Variants in UBR4 observed in about 807,000 individuals in gnomAD.
UBR4 encodes the protein E3 ubiquitin-protein ligase UBR4.
Under a neutral mutation model 575.6 loss-of-function variants are expected in UBR4, and 124 were observed. That is an observed-to-expected ratio of 0.22 (90% confidence interval 0.19 to 0.25). The LOEUF is 0.25. Among genes scored for constraint, UBR4 ranks in the 10% least tolerant of loss-of-function variants. The pLI is 1.00. For missense variants in UBR4, 4,818 were observed against 6,478.8 expected (o/e 0.74, Z 8.80); for synonymous variants, 2,455 against 2,473.7 (o/e 0.99, Z 0.22).
At chr1:19,084,382 C>G in intron 102 of UBR4, 122 bp downstream of exon 102, 1 of 1,063,142 alleles carries the variant, frequency 9.4e-7, no homozygotes, top group South Asian at 1.7e-5. Context: ...AAAAAGGCTG[C>G]CTTAGGCCAG....
At chr1:19,114,992 G>T in intron 74 of UBR4, 43 bp from the exon 75 acceptor site, 1 of 1,612,850 alleles carries the variant, frequency 6.2e-7, no homozygotes, top group Non-Finnish European at 8.5e-7. Flanking sequence ...GACAAGGCTG[G>T]GTGGGGTGGG....
At chr1:19,095,730 T>G in intron 92 of UBR4, 78 bp from the exon 93 acceptor site, 2 of 1,355,586 alleles carry the variant, frequency 1.5e-6, no homozygotes, top group Non-Finnish European at 2.1e-6. Flanking sequence ...AAGGGATGTC[T>G]AAGCAGGGTC....
In UBR4 at chr1:19,093,171, C is replaced by A. The variant is rs1484794872; in HGVS notation, c.14111+142G>T. On this transcript the variant is annotated intron_variant, in intron 96 of 105. Transcript: ENST00000375254. The surrounding 1 kb of genome is among the most constrained non-coding windows in gnomAD (Gnocchi z 4.8). ...GACTCTGCAGTGGTTGAATGGTCACCCACATAGTTTCCAGAAGCGGTTGGG... is the reference window on the plus strand; with the variant it reads ...GACTCTGCAGTGGTTGAATGGTCACACACATAGTTTCCAGAAGCGGTTGGG... The A allele has an allele frequency of 9.3e-6, 11 of 1,181,274 alleles. No homozygotes were observed. Among genetic ancestry groups the A allele is most frequent in the Non-Finnish European group, 1.3e-5 (11 of 830,358 alleles). 73.2% of individuals were successfully genotyped at this position (1,181,274 alleles called of 1,614,324 possible). A position where few individuals can be genotyped will look rare whatever the true frequency, so the allele number is the denominator to read the frequency against.
In UBR4 at chr1:19,126,493, A is replaced by T; in HGVS notation, c.9391T>A (p.Ser3131Thr). Residue 3131 changes from serine (S) to threonine (T), a missense_variant, in exon 64 of 106, where the codon TCC (serine) becomes ACC (threonine). Coordinates refer to ENST00000375254, the MANE Select transcript of UBR4 (RefSeq NM_020765.3). ...AATGGGCTCATGTCAGGTGGGGAGG[A>T]GGTAGTATGTGGTTTCAGCAACTGG... ...TSQLLKPHTT[S>T]SPPDMSPFFL... The T allele has an allele frequency of 5.0e-6, 8 of 1,614,018 alleles. No individual in the cohort carries two copies. Among genetic ancestry groups the T allele is most frequent in the Non-Finnish European group, 6.8e-6 (8 of 1,179,990 alleles).
At chr1:19,170,016 T>A (rs1167533022) in intron 26 of UBR4, among the ~76,000 whole-genome samples, 6 of 152,198 alleles carry the variant, frequency 3.9e-5, no homozygotes, top group African/African-American at 1.4e-4. Flanking sequence ...AAGCTTGAAA[T>A]TAAGGAAAAT....
intron 97 of UBR4, among the ~76,000 whole-genome samples, chr1:19,090,187 G>A (rs374670790): frequency 2.2e-4 from 34 of 152,004 alleles, no homozygotes; most frequent in African/African-American, 6.8e-4. Context: ...TCTCACGTTC[G>A]GTCACTCTCC....
Position 19,152,563 on chromosome 1 carries a change from C to A in UBR4, c.6833-87G>T. 6.5e-7 allele frequency: 1 copy of A among 1,538,152 alleles called. No individual in the cohort carries two copies. Among genetic ancestry groups the A allele is most frequent in the Non-Finnish European group, 8.9e-7 (1 of 1,124,792 alleles). Reference sequence around the variant, plus strand: ...AAAGACTCCTCCCAGACAGAGCCCACACTCACACTCTAATCTAAGCAAACT... The same window carrying A: ...AAAGACTCCTCCCAGACAGAGCCCAAACTCACACTCTAATCTAAGCAAACT... On this transcript the variant is annotated intron_variant, in intron 46 of 105. Coordinates refer to ENST00000375254, the MANE Select transcript of UBR4 (RefSeq NM_020765.3). This position sits in a 1 kb window ranked among gnomAD's most constrained non-coding sequence, Gnocchi z 4.4.
intron 32 of UBR4, 28 bp downstream of exon 32, chr1:19,164,770 GA>G (rs1324646518): frequency 6.2e-7 from 1 of 1,607,650 alleles, no homozygotes; most frequent in Non-Finnish European, 8.5e-7. Flanking sequence ...GGTTGCTAGG[GA>G]AACACGACAG....
At chr1:19,159,127 C>G (rs2086890276) in intron 39 of UBR4, among the ~76,000 whole-genome samples, 1 of 152,154 alleles carries the variant, frequency 6.6e-6, no homozygotes, top group Non-Finnish European at 1.5e-5. Context: ...GCCTAGGTGA[C>G]AGAGCAAGAC....
intron 105 of UBR4, 46 bp from the exon 106 acceptor site, chr1:19,074,942 C>T: frequency 6.3e-7 from 1 of 1,596,300 alleles, no homozygotes; most frequent in Non-Finnish European, 8.6e-7. Flanking sequence ...AGGCATACAG[C>T]CCCCATTCCC....
rs1465844539 is a variant in UBR4, at chr1:19,110,910, G to A, written c.11802-78C>T. On this transcript the variant is annotated intron_variant, in intron 78 of 105. Transcript: ENST00000375254. The surrounding 1 kb of genome is among the most constrained non-coding windows in gnomAD (Gnocchi z 4.5). Reference sequence around the variant, plus strand: ...TCCTTTCCACCTGAAGGGGCCCAGGGAAAATGAAATCAATGTCTAAGGCTA... The same window carrying A: ...TCCTTTCCACCTGAAGGGGCCCAGGAAAAATGAAATCAATGTCTAAGGCTA... 7.0e-7 allele frequency: 1 copy of A among 1,435,248 alleles called. No homozygotes were observed. Among genetic ancestry groups the A allele is most frequent in the East Asian group, 2.3e-5 (1 of 43,198 alleles). 88.9% of individuals were successfully genotyped at this position (1,435,248 alleles called of 1,614,324 possible).
At chr1:19,185,991 G>A (rs2091493396) in intron 14 of UBR4, among the ~76,000 whole-genome samples, 2 of 152,074 alleles carry the variant, frequency 1.3e-5, no homozygotes, top group South Asian at 2.1e-4. Flanking sequence ...ATCACAGGAC[G>A]GTAAGAATCA....
Position 19,098,459 on chromosome 1 carries a change from A to G in UBR4, c.13302+1138T>C, listed in dbSNP as rs139842145. Among the ~76,000 whole-genome samples the G allele has an allele frequency of 5.5e-3, 843 of 152,366 alleles. 4 individuals are homozygous for G. The highest frequency in any genetic ancestry group is 8.9e-3 in the Non-Finnish European group (607 of 68,038). On this transcript the variant is annotated intron_variant, in intron 90 of 105. Transcript: ENST00000375254. ...TATCTTGCTTCACCATTCAAGGGAG[A>G]TACCCTGGTGCATTCTGTGGGTTCA...
chr1:19,170,865 G>A lies in UBR4; in HGVS notation c.3540C>T (p.Asn1180=). 1 of 1,614,152 alleles carries A rather than the reference G, an allele frequency of 6.2e-7. No homozygotes were observed. The highest frequency in any genetic ancestry group is 8.5e-7 in the Non-Finnish European group (1 of 1,180,024). Residue 1180 remains asparagine, a synonymous_variant, in exon 26 of 106, where the codon AAC becomes AAT. Coordinates refer to ENST00000375254, the MANE Select transcript of UBR4 (RefSeq NM_020765.3). ...TCTCAGTTGTTCCCTCTTCATTAAA[G>A]TTTTGCAGCAAATAGGCTCTGGGGA... is the stretch of plus-strand genomic sequence containing the variant. ...ASFTRAYLLQ[N]FNEEGTTEKP...
At chr1:19,164,183 A>G in intron 33 of UBR4, 70 bp downstream of exon 33, 2 of 1,519,356 alleles carry the variant, frequency 1.3e-6, no homozygotes, top group South Asian at 1.3e-5. Context: ...ACTCACTTTG[A>G]GCTATAAAGA....
intron 96 of UBR4, 29 bp from the exon 97 acceptor site, chr1:19,092,947 G>C: frequency 6.3e-7 from 1 of 1,599,488 alleles, no homozygotes; most frequent in Non-Finnish European, 8.5e-7. Context: ...CTTATTAGCA[G>C]GCCAGGGAAG....
intron 8 of UBR4, among the ~76,000 whole-genome samples, chr1:19,195,460 A>T (rs889437416): frequency 2.6e-5 from 4 of 152,148 alleles, no homozygotes; most frequent in Admixed American, 6.5e-5. Context: ...TCCGACTATG[A>T]ATTTTTAAAG....
rs1023146535 is a variant in UBR4 at position 19,177,348 on chromosome 1, C to CAA, written c.2637+111_2637+112dup. On this transcript the variant is annotated intron_variant, in intron 19 of 105. Coordinates refer to ENST00000375254, the MANE Select transcript of UBR4 (RefSeq NM_020765.3). ...CTCCTAATCCTACCCATCAACCTAC[C>CAA]AAAACCTAAAACCTAAAGTGGGTAG... The CAA allele has an allele frequency of 1.1e-5, 16 of 1,409,228 alleles. No homozygotes were observed. In the African/African-American group the frequency reaches 1.4e-4, roughly 13 times the overall value. The allele number at this position is 1,409,228 out of a possible 1,614,324, so 87.3% of individuals were successfully genotyped here. A position where few individuals can be genotyped will look rare whatever the true frequency, so the allele number is the denominator to read the frequency against.
chr1:19,120,073 G>A (rs540315068), intron 69 of UBR4, 107 bp downstream of exon 69: 62 of 1,332,342 alleles, frequency 4.7e-5, no homozygotes, highest in African/African-American at 3.4e-4. Flanking sequence ...TCAGGCTGGC[G>A]TAACTACTGA....
Sources: gnomAD v4.1 joint callset for allele counts (sites outside exome capture counted in the v4.1 genomes callset) on GRCh38, gnomAD v4.1.1 for gene constraint, Gnocchi (gnomAD v3.1) non-coding constraint, MANE v1.5 for transcripts, NCBI Gene and HGNC (gene_info 2026-07-23, HGNC 2026-07-21) for gene names.